The following PCDH9 variants were observed in gnomAD, a reference collection of about 807,000 sequenced individuals.
PCDH9 encodes the protein protocadherin 9, also known as protocadherin-9.
PCDH9 carries 24 observed loss-of-function variants against 70.6 expected under a neutral mutation model. The ratio of observed to expected loss-of-function variants is 0.34; its 90% CI spans 0.25 to 0.48. PCDH9 has a LOEUF of 0.48. PCDH9 is among the 20% of genes least tolerant of loss of function. PCDH9 has a pLI of 0.99. For synonymous variants in PCDH9, 562 were observed against 558.5 expected, an observed-to-expected ratio of 1.01 and a Z score of -0.09; for missense variants, 1,281 against 1,503.6, an observed-to-expected ratio of 0.85 and a Z score of 2.45.
At chr13:67,175,715 G>A (rs2088432017) in intron 2 of PCDH9, among the ~76,000 whole-genome samples, 1 of 151,996 alleles carries the variant, frequency 6.6e-6, no homozygotes, top group Non-Finnish European at 1.5e-5. Context: ...TGTTCAAATT[G>A]GTTACAGATA....
At chr13:67,186,797 C>G (rs1487505947) in intron 2 of PCDH9, among the ~76,000 whole-genome samples, 1 of 151,710 alleles carries the variant, frequency 6.6e-6, no homozygotes, top group Non-Finnish European at 1.5e-5. Context: ...TCTGCTATAC[C>G]CTTAAAATAA....
intron 2 of PCDH9, among the ~76,000 whole-genome samples, chr13:67,101,506 A>G (rs1235168098): frequency 6.6e-6 from 1 of 152,244 alleles, no homozygotes; most frequent in Non-Finnish European, 1.5e-5. Context: ...CCTTCTAAAT[A>G]CATGTGGGTT....
chr13:67,124,100 A>G (rs2086928871), intron 2 of PCDH9, among the ~76,000 whole-genome samples: 1 of 152,136 alleles, frequency 6.6e-6, no homozygotes, highest in African/African-American at 2.4e-5. Flanking sequence ...ATACTAAATA[A>G]TAAGGAATCC....
In PCDH9 at chr13:67,092,023, A is replaced by T. The variant is rs180711677; in HGVS notation, c.3036+133382T>A. On this transcript the variant is annotated intron_variant, in intron 2 of 4. Coordinates refer to ENST00000377865, the MANE Select transcript of PCDH9 (RefSeq NM_203487.3). ...TTATACTTATTCCTAAAATACAGAA[A>T]CAATATTTAAGACCTTGGAGATACT... is the stretch of plus-strand genomic sequence containing the variant. 1.7e-4 allele frequency among the ~76,000 whole-genome samples: 26 copies of T among 152,300 alleles called. No homozygotes were observed. The East Asian group carries it at 5.0e-3, about 29-fold the overall frequency.
At chr13:66,666,329 T>C (rs1321842082) in intron 3 of PCDH9, among the ~76,000 whole-genome samples, 1 of 152,242 alleles carries the variant, frequency 6.6e-6, no homozygotes, top group East Asian at 1.9e-4. Context: ...CCGGGCCAGA[T>C]GGCATTCTGC....
intron 3 of PCDH9, among the ~76,000 whole-genome samples, chr13:66,640,530 G>GACAC (rs10579281): frequency 1.6e-3 from 242 of 149,384 alleles, no homozygotes; most frequent in African/African-American, 5.3e-3. Context: ...CCCATGCAAA[G>GACAC]ACACACACAC....
chr13:66,584,179 G>A (rs147143043), intron 4 of PCDH9, among the ~76,000 whole-genome samples: 1 of 152,186 alleles, frequency 6.6e-6, no homozygotes, highest in African/African-American at 2.4e-5. Context: ...ATTGTGATTC[G>A]GTTATTAGAT....
chr13:67,193,632 G>A (rs1485813060), intron 2 of PCDH9, among the ~76,000 whole-genome samples: 1 of 152,048 alleles, frequency 6.6e-6, no homozygotes, highest in East Asian at 1.9e-4. Flanking sequence ...CTTGTGCAGA[G>A]CCTATGTTAC....
At chr13:66,794,792 C>T (rs1201891007) in intron 3 of PCDH9, among the ~76,000 whole-genome samples, 1 of 152,070 alleles carries the variant, frequency 6.6e-6, no homozygotes, top group Non-Finnish European at 1.5e-5. Flanking sequence ...AATATAAGAT[C>T]TTTTGCTCTG....
rs76104169 is a variant in PCDH9, at chr13:66,623,394, G to C, written c.3340+7816C>G. On this transcript the variant is annotated intron_variant, in intron 4 of 4. Transcript: ENST00000377865. ...AAGCTGTGGAGTCAGACACTCCTGA[G>C]TTCATATTTTGGGGCTCACCTGCTG... 4.2e-3 allele frequency among the ~76,000 whole-genome samples: 633 copies of C among 152,008 alleles called. 19 individuals are homozygous for C. The East Asian group carries it at 0.081, about 19-fold the overall frequency.
chr13:66,648,891 T>A (rs1183147990), intron 3 of PCDH9, among the ~76,000 whole-genome samples: 1 of 151,952 alleles, frequency 6.6e-6, no homozygotes, highest in African/African-American at 2.4e-5. Context: ...GAAAAAATTT[T>A]AAAAAACCAA....
At position 66,545,809 on chromosome 13, in the gene PCDH9, C is replaced by CTTTATTTTAT. The variant is rs71106977; in HGVS notation, c.3340+85391_3340+85400dup. Among the ~76,000 whole-genome samples the CTTTATTTTAT allele has an allele frequency of 2.2e-3, 322 of 143,460 alleles. 1 individual carries two copies. The highest frequency in any genetic ancestry group is 9.5e-3 in the South Asian group (43 of 4,512). The allele number at this position is 143,460 out of a possible 152,430, so 94.1% of individuals were successfully genotyped here. ...TGCTATACCTTTCATTTTTATTTTA[C>CTTTATTTTAT]TTTATTTTATTTTATTTTATTTTAT... On this transcript the variant is annotated intron_variant, in intron 4 of 4. Coordinates refer to ENST00000377865, the MANE Select transcript of PCDH9 (RefSeq NM_203487.3).
intron 3 of PCDH9, among the ~76,000 whole-genome samples, chr13:66,663,670 T>G (rs1354010090): frequency 2.0e-5 from 3 of 152,202 alleles, no homozygotes; most frequent in African/African-American, 7.2e-5. Flanking sequence ...CATGGAGAGA[T>G]TCTCGATATA....
chr13:66,335,901 C>G lies in PCDH9; in HGVS notation c.3341-30873G>C, dbSNP rs555745574. Among the ~76,000 whole-genome samples, 5 of 152,160 alleles carry G rather than the reference C, an allele frequency of 3.3e-5. No homozygotes were observed. In the East Asian group the frequency reaches 9.7e-4, roughly 29 times the overall value. On this transcript the variant is annotated intron_variant, in intron 4 of 4. Coordinates refer to ENST00000377865, the MANE Select transcript of PCDH9 (RefSeq NM_203487.3). ...TTCCGGAGGCCCGTATTGTCAATGTCAAGTAAGCTTTGCCGCACAAGACTG... is the reference window on the plus strand; with the variant it reads ...TTCCGGAGGCCCGTATTGTCAATGTGAAGTAAGCTTTGCCGCACAAGACTG...
At chr13:67,203,008 G>C (rs2089254967) in intron 2 of PCDH9, 1 of 152,140 alleles carries the variant, frequency 6.6e-6, no homozygotes, top group Non-Finnish European at 1.5e-5. Flanking sequence ...CAAATCTCTA[G>C]GTTGTTTTGA....
At chr13:66,524,211 T>A (rs551546694) in intron 4 of PCDH9, among the ~76,000 whole-genome samples, 1 of 152,282 alleles carries the variant, frequency 6.6e-6, no homozygotes, top group Admixed American at 6.6e-5. Flanking sequence ...AAGTTGAAAG[T>A]ACTTTCTGTA....
At chr13:67,194,587 G>A (rs545799305) in intron 2 of PCDH9, among the ~76,000 whole-genome samples, 8 of 151,910 alleles carry the variant, frequency 5.3e-5, no homozygotes, top group Non-Finnish European at 1.0e-4. Context: ...AATAAAAGTC[G>A]GATCATGTGG....
At chr13:66,698,640 G>A (rs190338912) in intron 3 of PCDH9, among the ~76,000 whole-genome samples, 40 of 152,202 alleles carry the variant, frequency 2.6e-4, no homozygotes, top group Admixed American at 7.2e-4. Flanking sequence ...GTGCAGTGGT[G>A]TGATCATAGC....
At chr13:66,355,649 A>G (rs1484396984) in intron 4 of PCDH9, among the ~76,000 whole-genome samples, 1 of 152,138 alleles carries the variant, frequency 6.6e-6, no homozygotes. Context: ...GTTTAATTTA[A>G]TGAATTAACA....
Sources: allele counts gnomAD v4.1 joint callset (sites outside exome capture counted in the v4.1 genomes callset), GRCh38; gene constraint gnomAD v4.1.1; transcripts MANE v1.5; gene names NCBI Gene and HGNC (gene_info 2026-07-23, HGNC 2026-07-21).